Variants in CRPPA observed in about 807,000 individuals in gnomAD.
CRPPA encodes CDP-L-ribitol pyrophosphorylase A.
Under a neutral mutation model 52.0 loss-of-function variants are expected in CRPPA, and 43 were observed. The ratio of observed to expected loss-of-function variants is 0.83; its 90% confidence interval spans 0.65 to 1.07. The LOEUF (loss-of-function observed/expected upper bound fraction) is 1.07. Among genes scored for constraint, CRPPA ranks in the 50% least tolerant of loss-of-function variants. The pLI, the probability that CRPPA is intolerant of heterozygous loss-of-function variation, is 0.00. For missense variants in CRPPA, 629 were observed against 551.7 expected (o/e 1.14, Z -1.40); for synonymous variants, 250 against 203.5 (o/e 1.23, Z -1.94).
intron 9 of CRPPA, among the ~76,000 whole-genome samples, chr7:16,126,124 A>C (rs547826716): frequency 4.6e-5 from 7 of 152,276 alleles, no homozygotes; most frequent in African/African-American, 1.7e-4. Context: ...GGCGGGCAGG[A>C]ATCAAGAAGC....
rs192367357 is a variant in CRPPA at position 16,315,392 on chromosome 7, C to G, written c.685-6765G>C. ...CTTATGCTCACTATTTCTTATACTT[C>G]GTAAATTTTCCTTGATAGCTGGACA... On this transcript the variant is annotated intron_variant, in intron 3 of 9. Transcript: ENST00000407010. Among the ~76,000 whole-genome samples the G allele has an allele frequency of 3.0e-4, 45 of 152,194 alleles. No homozygotes were observed. The South Asian group carries it at 5.6e-3, about 19-fold the overall frequency.
chr7:16,354,660 T>TTTATTA (rs143162364), intron 3 of CRPPA, among the ~76,000 whole-genome samples: 2 of 151,708 alleles, frequency 1.3e-5, no homozygotes, highest in African/African-American at 4.8e-5. Flanking sequence ...CCTTGCAGTT[T>TTTATTA]TTATTATTAT....
chr7:16,291,806 C>T lies in CRPPA; in HGVS notation c.835+9615G>A, dbSNP rs1339523159. On this transcript the variant is annotated intron_variant, in intron 5 of 9. Coordinates refer to ENST00000407010, the MANE Select transcript of CRPPA (RefSeq NM_001101426.4). ...CCCTCAATACCCTGATTTGATTACACATTGTATCAAAGTACCCATAAATAT... is the reference window on the plus strand; with the variant it reads ...CCCTCAATACCCTGATTTGATTACATATTGTATCAAAGTACCCATAAATAT... 5.3e-5 allele frequency among the ~76,000 whole-genome samples: 8 copies of T among 151,916 alleles called. No homozygotes were observed. The South Asian group carries it at 1.7e-3, about 31-fold the overall frequency.
chr7:16,199,705 A>G (rs1239897750), intron 9 of CRPPA, among the ~76,000 whole-genome samples: 1 of 152,136 alleles, frequency 6.6e-6, no homozygotes, highest in Non-Finnish European at 1.5e-5. Flanking sequence ...CACTTGAAGT[A>G]TCTTTACACT....
At chr7:16,421,041 C>T (rs1788320379) in intron 1 of CRPPA, 25 bp downstream of exon 1, 1 of 1,263,778 alleles carries the variant, frequency 7.9e-7, no homozygotes, top group Non-Finnish European at 1.0e-6. Context: ...CAGGGAACCG[C>T]GGGGCGCGCC....
At chr7:16,198,975 A>T (rs1216094251) in intron 9 of CRPPA, among the ~76,000 whole-genome samples, 2 of 152,202 alleles carry the variant, frequency 1.3e-5, no homozygotes, top group Non-Finnish European at 2.9e-5. Flanking sequence ...CTCTGTTTCC[A>T]GCCTCTCTGA....
chr7:16,389,924 A>ATATATATATAT (rs1169753280), intron 2 of CRPPA, among the ~76,000 whole-genome samples: 82 of 62,502 alleles, frequency 1.3e-3, no homozygotes, highest in South Asian at 1.9e-3. Flanking sequence ...AAAAAAAAAA[A>ATATATATATAT]AAAAATATAT....
rs892552322 is a variant in CRPPA, at chr7:16,185,351, G to C, written c.1251+30715C>G. ...CACATGATTCCATTATCTCCCACCA[G>C]GACCCTCCCACAACACTTGGGAATC... On this transcript the variant is annotated intron_variant, in intron 9 of 9. Coordinates refer to ENST00000407010, the MANE Select transcript of CRPPA (RefSeq NM_001101426.4). Among the ~76,000 whole-genome samples the C allele has an allele frequency of 3.3e-5, 5 of 152,094 alleles. No homozygotes were observed. In the East Asian group the frequency reaches 9.6e-4, roughly 29 times the overall value.
intron 2 of CRPPA, among the ~76,000 whole-genome samples, chr7:16,382,316 G>T (rs1314832975): frequency 6.6e-6 from 1 of 152,140 alleles, no homozygotes; most frequent in Non-Finnish European, 1.5e-5. Context: ...GTTGAATATT[G>T]GCCCCCACTC....
chr7:16,331,698 A>G (rs1583525727), intron 3 of CRPPA, among the ~76,000 whole-genome samples: 1 of 152,208 alleles, frequency 6.6e-6, no homozygotes, highest in Non-Finnish European at 1.5e-5. Context: ...AAAAACACTA[A>G]TAGAAATGAA....
At position 16,406,086 on chromosome 7, in the gene CRPPA, A is replaced by G; in HGVS notation, c.509T>C (p.Val170Ala). ...PFVEEGVLLK[V>A]VTAAKEHGAA... ...CCCGTGTTCCTTAGCAGCTGTGACA[A>G]CTTTAAGAAGGACACCTTCCTCAAC... Residue 170 changes from valine (V) to alanine (A), a missense_variant, in exon 2 of 10, where the codon GTT becomes GCT. Val to Ala is a moderately conservative substitution (Grantham distance 64, BLOSUM62 0). Transcript: ENST00000407010. 6.2e-7 allele frequency: 1 copy of G among 1,613,768 alleles called. No individual in the cohort carries two copies. Among genetic ancestry groups the G allele is most frequent in the Non-Finnish European group, 8.5e-7 (1 of 1,179,762 alleles).
At chr7:16,248,312 C>T (rs572937918) in intron 8 of CRPPA, among the ~76,000 whole-genome samples, 1 of 152,156 alleles carries the variant, frequency 6.6e-6, no homozygotes, top group Non-Finnish European at 1.5e-5. Flanking sequence ...GCAATCCAGC[C>T]TGGGCAAAAG....
At chr7:16,211,939 A>C (rs1470646719) in intron 9 of CRPPA, among the ~76,000 whole-genome samples, 4 of 152,376 alleles carry the variant, frequency 2.6e-5, no homozygotes, top group Non-Finnish European at 5.9e-5. Flanking sequence ...TTGTGATACA[A>C]GACCAATACA....
chr7:16,286,046 T>TATTTAAAAAAAAAAA (rs1784430654), intron 5 of CRPPA, among the ~76,000 whole-genome samples: 2 of 4,744 alleles, frequency 4.2e-4, no homozygotes, highest in East Asian at 4.4e-3. Context: ...AAAATATAAA[T>TATTTAAAAAAAAAAA]ATATATATAT....
chr7:16,274,524 G>A (rs975964505), intron 6 of CRPPA, among the ~76,000 whole-genome samples: 1 of 152,024 alleles, frequency 6.6e-6, no homozygotes, highest in African/African-American at 2.4e-5. Context: ...CCAAAGTTCA[G>A]TTTTAGAAGT....
chr7:16,380,611 A>G (rs552109208), intron 2 of CRPPA, among the ~76,000 whole-genome samples: 3 of 152,246 alleles, frequency 2.0e-5, no homozygotes, highest in African/African-American at 4.8e-5. Flanking sequence ...CTGTGAATCC[A>G]TCTGGTCCTG....
intron 9 of CRPPA, among the ~76,000 whole-genome samples, chr7:16,184,658 CAAAT>C (rs1247685131): frequency 1.3e-5 from 2 of 152,242 alleles, no homozygotes; most frequent in African/African-American, 4.8e-5. Flanking sequence ...TATTATAAAA[CAAAT>C]AGAGTTTCCT....
chr7:16,413,726 A>G (rs1284998444), intron 1 of CRPPA, among the ~76,000 whole-genome samples: 1 of 152,244 alleles, frequency 6.6e-6, no homozygotes, highest in Non-Finnish European at 1.5e-5. Flanking sequence ...TAAATGGACA[A>G]AAGTTTTTTT....
intron 9 of CRPPA, among the ~76,000 whole-genome samples, chr7:16,163,097 C>T (rs543976425): frequency 3.3e-5 from 5 of 151,716 alleles, no homozygotes; most frequent in African/African-American, 9.7e-5. Flanking sequence ...CCTCAGCTTC[C>T]CAAGTAGCTG....
Sources: gnomAD v4.1 joint callset for allele counts (sites outside exome capture counted in the v4.1 genomes callset) on GRCh38, gnomAD v4.1.1 for gene constraint, MANE v1.5 for transcripts, NCBI Gene and HGNC (gene_info 2026-07-23, HGNC 2026-07-21) for gene names.